Variants in SPAM1 observed in about 807,000 individuals in gnomAD.
The protein encoded by SPAM1 is sperm adhesion molecule 1, also known as hyaluronidase PH-20.
A neutral mutation model predicts 29.6 loss-of-function variants in SPAM1; 22 were observed. The observed-to-expected ratio is 0.74, with a 90% confidence interval of 0.53 to 1.06. The LOEUF is 1.06. Among genes scored for constraint, SPAM1 ranks in the 50% least tolerant of loss-of-function variants. SPAM1 has a pLI of 0.00. For missense variants in SPAM1, 534 were observed against 604.0 expected (o/e 0.88, Z 1.21); for synonymous variants, 194 against 204.6 (o/e 0.95, Z 0.44).
intron 4 of SPAM1, among the ~76,000 whole-genome samples, chr7:123,955,527 G>A (rs773598831): frequency 1.3e-5 from 2 of 151,934 alleles, no homozygotes; most frequent in Non-Finnish European, 2.9e-5. Context: ...TTCTTCTCTG[G>A]TGGTTGTGGA....
chr7:123,931,168 G>T (rs568567613), intron 1 of SPAM1, among the ~76,000 whole-genome samples: 2 of 152,222 alleles, frequency 1.3e-5, no homozygotes, highest in South Asian at 2.1e-4. Context: ...AGAAGCAAAA[G>T]TTTTTATCTG....
intron 2 of SPAM1, among the ~76,000 whole-genome samples, chr7:123,953,039 C>G (rs965703661): frequency 6.6e-6 from 1 of 152,024 alleles, no homozygotes; most frequent in Middle Eastern, 3.2e-3. Context: ...AGAGGATCAA[C>G]TTGGAATTTA....
chr7:123,966,019 A>G (rs1360013394), intron 5 of SPAM1, among the ~76,000 whole-genome samples: 1 of 152,080 alleles, frequency 6.6e-6, no homozygotes, highest in Non-Finnish European at 1.5e-5. Context: ...TAATCTGACC[A>G]TCTGACAAAG....
At chr7:123,941,033 A>G (rs1289951680) in intron 1 of SPAM1, among the ~76,000 whole-genome samples, 4 of 152,214 alleles carry the variant, frequency 2.6e-5, no homozygotes, top group Admixed American at 6.5e-5. Context: ...CAAATTGGAC[A>G]TGTGTGAGTT....
At chr7:123,939,628 G>A (rs1326828820) in intron 1 of SPAM1, among the ~76,000 whole-genome samples, 1 of 152,156 alleles carries the variant, frequency 6.6e-6, no homozygotes, top group East Asian at 1.9e-4. Context: ...AATTTAGCAT[G>A]CACAAGAGGA....
chr7:123,964,551 A>G (rs1207848063), downstream of SPAM1, among the ~76,000 whole-genome samples: 1 of 151,864 alleles, frequency 6.6e-6, no homozygotes, highest in Non-Finnish European at 1.5e-5. Context: ...GTATCTTGCC[A>G]TTTGACTCTG....
rs539131437 is a variant in SPAM1, at chr7:123,937,434, T to C, written c.-319+12082T>C. 3.3e-4 allele frequency among the ~76,000 whole-genome samples: 50 copies of C among 152,048 alleles called. 1 individual carries two copies. The highest frequency in any genetic ancestry group is 1.1e-3 in the African/African-American group (44 of 41,474). Reference sequence around the variant, plus strand: ...GGATAACATGGTGAAATCCCGTCTCTACTAAAAATACAAAAAATTAGCCGG... The same window carrying C: ...GGATAACATGGTGAAATCCCGTCTCCACTAAAAATACAAAAAATTAGCCGG... On this transcript the variant is annotated intron_variant, in intron 1 of 4. Transcript: ENST00000682466.
chr7:123,961,400 G>A (rs1236261172), downstream of SPAM1, among the ~76,000 whole-genome samples: 2 of 151,750 alleles, frequency 1.3e-5, no homozygotes, highest in Non-Finnish European at 2.9e-5. Context: ...TCTCACATAT[G>A]AGTGAGAACA....
intron 1 of SPAM1, among the ~76,000 whole-genome samples, chr7:123,929,502 C>A (rs1248645246): frequency 1.3e-5 from 2 of 151,988 alleles, no homozygotes; most frequent in Non-Finnish European, 1.5e-5. Context: ...ACTTTTCTAA[C>A]TTCTCTCTAA....
At chr7:123,940,864 G>A (rs1808406627) in intron 1 of SPAM1, among the ~76,000 whole-genome samples, 1 of 152,088 alleles carries the variant, frequency 6.6e-6, no homozygotes, top group African/African-American at 2.4e-5. Context: ...TAAATATTGA[G>A]TCAATGCTGA....
rs375604421 is a variant in SPAM1 at position 123,954,272 on chromosome 7, C to T, written c.702C>T (p.Tyr234=). ...ACCATCACTATAAGAAACCCGGTTA[C>T]AATGGAAGTTGCTTCAATGTAGAAA... ...CYNHHYKKPG[Y]NGSCFNVEIK... Residue 234 remains tyrosine, a synonymous_variant, in exon 3 of 5, where the codon TAC becomes TAT. Transcript: ENST00000682466. The T allele has an allele frequency of 3.6e-5, 58 of 1,612,340 alleles. No individual in the cohort carries two copies. Among genetic ancestry groups the T allele is most frequent in the Non-Finnish European group, 4.4e-5 (52 of 1,179,408 alleles).
chr7:123,927,706 TG>T (rs1478673981), intron 1 of SPAM1, among the ~76,000 whole-genome samples: 1 of 152,160 alleles, frequency 6.6e-6, no homozygotes, highest in Non-Finnish European at 1.5e-5. Flanking sequence ...CTGTTTAGTT[TG>T]GTTATAAAGA....
chr7:123,955,094 GAATTGGTA>G lies in SPAM1; in HGVS notation c.1044+9_1044+16del. On this transcript the variant is annotated intron_variant, in intron 4 of 4. Transcript: ENST00000682466. ...AGTATAATGCGAAGTATGGTAAGTT[GAATTGGTA>G]GAAAATAGGTGAAAATATTTCTATG... 1.3e-6 allele frequency: 2 copies of G among 1,550,046 alleles called. No homozygotes were observed. Among genetic ancestry groups the G allele is most frequent in the Non-Finnish European group, 1.8e-6 (2 of 1,123,062 alleles).
chr7:123,947,314 C>T (rs1180337136), intron 1 of SPAM1, among the ~76,000 whole-genome samples: 1 of 151,920 alleles, frequency 6.6e-6, no homozygotes, highest in South Asian at 2.1e-4. Context: ...TTTGGGAGGT[C>T]GACGTGGCGA....
intron 1 of SPAM1, among the ~76,000 whole-genome samples, chr7:123,931,563 GC>G (rs1456507895): frequency 1.3e-5 from 2 of 152,140 alleles, no homozygotes; most frequent in Non-Finnish European, 2.9e-5. Context: ...TTTCCATATG[GC>G]TCTTCATACT....
At chr7:123,938,322 AAAT>A (rs1420698231) in intron 1 of SPAM1, among the ~76,000 whole-genome samples, 1 of 152,192 alleles carries the variant, frequency 6.6e-6, no homozygotes, top group Non-Finnish European at 1.5e-5. Context: ...TTAGGAAGAT[AAAT>A]AATAAGCCAC....
chr7:123,927,981 G>A (rs1185631224), intron 1 of SPAM1, among the ~76,000 whole-genome samples: 2 of 152,132 alleles, frequency 1.3e-5, no homozygotes, highest in African/African-American at 4.8e-5. Flanking sequence ...ATAGTGGCTG[G>A]ATTAGGAATT....
chr7:123,941,203 C>G (rs1808416572), intron 1 of SPAM1, among the ~76,000 whole-genome samples: 2 of 152,192 alleles, frequency 1.3e-5, no homozygotes, highest in South Asian at 4.1e-4. Context: ...TGAGACAGGT[C>G]TCAAAACATT....
chr7:123,953,266 G>A (rs1398631578), intron 2 of SPAM1, 99 bp from the exon 3 acceptor site: 2 of 258,384 alleles, frequency 7.7e-6, no homozygotes, highest in African/African-American at 4.4e-5. Context: ...CTTCTAAAAT[G>A]AAATTAAACC....
Sources: allele counts gnomAD v4.1 joint callset (sites outside exome capture counted in the v4.1 genomes callset), GRCh38; gene constraint gnomAD v4.1.1; transcripts MANE v1.5; gene names NCBI Gene and HGNC (gene_info 2026-07-23, HGNC 2026-07-21).